Variants in PCSK6 observed in about 807,000 individuals in gnomAD.
PCSK6 encodes the protein paired basic amino acid cleaving enzyme 4.
PCSK6 carries 85 observed loss-of-function variants against 123.3 expected under a neutral mutation model. That is an observed-to-expected ratio of 0.69 (90% CI 0.58 to 0.83). PCSK6 has a LOEUF of 0.83. PCSK6 is among the 40% of genes least tolerant of loss of function. PCSK6 has a pLI of 0.00. For missense variants in PCSK6, 1,191 were observed against 1,282.3 expected (o/e 0.93, Z 1.09); for synonymous variants, 508 against 516.0 (o/e 0.98, Z 0.21).
At chr15:101,382,486 AG>A (rs1277754121) in intron 10 of PCSK6, among the ~76,000 whole-genome samples, 1 of 152,228 alleles carries the variant, frequency 6.6e-6, no homozygotes, top group Non-Finnish European at 1.5e-5. Context: ...GAGAAGGTCT[AG>A]GAGTTTCTTT....
chr15:101,328,384 G>T (rs2040305661), intron 15 of PCSK6, among the ~76,000 whole-genome samples: 1 of 152,228 alleles, frequency 6.6e-6, no homozygotes, highest in Non-Finnish European at 1.5e-5. Context: ...GGCGGGCAGG[G>T]CTTGGTTCGG....
chr15:101,366,195 C>A lies in PCSK6; in HGVS notation c.1858+1G>T. 6.2e-7 allele frequency: 1 copy of A among 1,611,254 alleles called. No homozygotes were observed. The highest frequency in any genetic ancestry group is 8.5e-7 in the Non-Finnish European group (1 of 1,178,522). On this transcript the variant is annotated splice_donor_variant, in intron 13 of 21. Coordinates refer to ENST00000611716, the MANE Select transcript of PCSK6 (RefSeq NM_002570.5). LOFTEE classifies it high-confidence loss of function. ...TCATGAGATTCCCAAGAGCCACTGA[C>A]CTTGCTTCTCCGGGTTGCGGACCTG...
chr15:101,434,313 G>C (rs963960843), intron 2 of PCSK6, among the ~76,000 whole-genome samples: 3 of 152,172 alleles, frequency 2.0e-5, no homozygotes, highest in Non-Finnish European at 4.4e-5. Context: ...TGAACTCTCT[G>C]TTCTAACAAC....
intron 13 of PCSK6, among the ~76,000 whole-genome samples, chr15:101,363,131 C>T (rs983119185): frequency 4.6e-5 from 7 of 152,110 alleles, no homozygotes; most frequent in African/African-American, 7.2e-5. Context: ...CATCAGTGCA[C>T]GCATGTTGGC....
chr15:101,402,591 C>T (rs1481893676), intron 6 of PCSK6, among the ~76,000 whole-genome samples: 1 of 152,084 alleles, frequency 6.6e-6, no homozygotes, highest in East Asian at 1.9e-4. Context: ...ACAAACAACC[C>T]CATCAAAAAG....
intron 13 of PCSK6, among the ~76,000 whole-genome samples, chr15:101,358,503 C>G (rs2041112154): frequency 2.0e-5 from 3 of 152,258 alleles, no homozygotes; most frequent in Admixed American, 6.5e-5. Context: ...ATGTTCCCAA[C>G]TAGCCTGTGG....
chr15:101,318,591 G>A (rs1201808747), intron 18 of PCSK6, among the ~76,000 whole-genome samples, 169 bp from the exon 19 acceptor site: 1 of 152,258 alleles, frequency 6.6e-6, no homozygotes, highest in African/African-American at 2.4e-5. Flanking sequence ...CAGTCCGCTG[G>A]GGGCCCAGCA....
chr15:101,381,180 G>T (rs2041901712), intron 11 of PCSK6, among the ~76,000 whole-genome samples: 1 of 152,010 alleles, frequency 6.6e-6, no homozygotes, highest in South Asian at 2.1e-4. Flanking sequence ...TGGCCAAGAT[G>T]GTGAAACCCC....
intron 15 of PCSK6, among the ~76,000 whole-genome samples, chr15:101,327,593 G>A (rs1317932384): frequency 6.6e-6 from 1 of 152,212 alleles, no homozygotes; most frequent in Non-Finnish European, 1.5e-5. Flanking sequence ...GAGGGGATGG[G>A]GAGTGAGCTC....
At chr15:101,389,425 AC>A in intron 9 of PCSK6, 38 bp downstream of exon 9, 1 of 1,368,674 alleles carries the variant, frequency 7.3e-7, no homozygotes, top group Non-Finnish European at 9.9e-7. Flanking sequence ...CACAATCTAA[AC>A]ATTTTTTTTT....
chr15:101,373,998 C>T (rs927703048), intron 11 of PCSK6, among the ~76,000 whole-genome samples: 2 of 152,176 alleles, frequency 1.3e-5, no homozygotes, highest in South Asian at 2.1e-4. Context: ...CTTCCGAGGA[C>T]GCTAAGGGAG....
At chr15:101,310,031 GC>G (rs1407216681) in intron 20 of PCSK6, among the ~76,000 whole-genome samples, 3 of 152,232 alleles carry the variant, frequency 2.0e-5, no homozygotes, top group Non-Finnish European at 2.9e-5. Context: ...GAGCTGCCTG[GC>G]ACAGCAGCAG....
intron 1 of PCSK6, among the ~76,000 whole-genome samples, chr15:101,464,273 G>C (rs891601441): frequency 6.6e-6 from 1 of 152,300 alleles, no homozygotes; most frequent in Middle Eastern, 3.4e-3. Flanking sequence ...GCGTCAGAAG[G>C]AGATGTCCAC....
chr15:101,383,935 G>T, intron 10 of PCSK6: 1 of 177,342 alleles, frequency 5.6e-6, no homozygotes, highest in Non-Finnish European at 1.1e-5. Flanking sequence ...GAGTCCTGCT[G>T]TGTTGTCCAG....
chr15:101,305,547 ATAATATAAAAATTAGC>A lies in PCSK6; in HGVS notation c.2813-208_2813-193del, dbSNP rs2039704103. ...ACATGGTGAAACCCCGTCTCTACTA[ATAATATAAAAATTAGC>A]TGGGCATGGTGGTGGGCACCTGTAA... On this transcript the variant is annotated intron_variant, in intron 21 of 21. Coordinates refer to ENST00000611716, the MANE Select transcript of PCSK6 (RefSeq NM_002570.5). This position sits in a 1 kb window ranked among gnomAD's most constrained non-coding sequence, Gnocchi z 4.8. 2 of 511,964 alleles carry A rather than the reference ATAATATAAAAATTAGC, an allele frequency of 3.9e-6. No individual in the cohort carries two copies. The highest frequency in any genetic ancestry group is 3.9e-5 in the African/African-American group (2 of 51,452). 31.7% of individuals were successfully genotyped at this position (511,964 alleles called of 1,614,324 possible). A position where few individuals can be genotyped will look rare whatever the true frequency, so the allele number is the denominator to read the frequency against.
intron 13 of PCSK6, among the ~76,000 whole-genome samples, chr15:101,339,506 C>A (rs961482169): frequency 3.9e-5 from 6 of 152,136 alleles, no homozygotes; most frequent in African/African-American, 1.2e-4. Context: ...TAAAAATATA[C>A]AAAAACACCC....
chr15:101,374,203 C>T (rs1304877888), intron 11 of PCSK6, among the ~76,000 whole-genome samples: 3 of 152,206 alleles, frequency 2.0e-5, no homozygotes, highest in Non-Finnish European at 4.4e-5. Context: ...GCTCCCTTCT[C>T]CTGAGGAGGC....
chr15:101,405,671 C>G (rs934615876), intron 6 of PCSK6, among the ~76,000 whole-genome samples: 26 of 148,138 alleles, frequency 1.8e-4, no homozygotes, highest in African/African-American at 6.7e-4. Context: ...TTTTACAACT[C>G]ACTTAGTGAA....
In PCSK6 at chr15:101,489,604, T is replaced by G. The variant is rs2058125087; in HGVS notation, c.67A>C (p.Thr23Pro). ...CCCGCGCCCCCCGCGCCCGCGGCGG[T>G]GTCGGTGGCGGCGGCGGCCCGGGGC... is the stretch of plus-strand genomic sequence containing the variant. Reference protein sequence around the residue: ...PPPRAAAATDTAAGAGGAGGA... With the variant: ...PPPRAAAATDPAAGAGGAGGA... The change falls in exon 1 of 22, where the codon ACC (threonine) becomes CCC (proline). Residue 23 changes from threonine (T) to proline (P), a missense_variant. Coordinates refer to ENST00000611716, the MANE Select transcript of PCSK6 (RefSeq NM_002570.5). The G allele has an allele frequency of 3.1e-6, 3 of 955,886 alleles. No homozygotes were observed. Among genetic ancestry groups the G allele is most frequent in the East Asian group, 1.5e-4 (1 of 6,764 alleles). 59.2% of individuals were successfully genotyped at this position (955,886 alleles called of 1,614,324 possible). A position where few individuals can be genotyped will look rare whatever the true frequency, so the allele number is the denominator to read the frequency against.
Sources: allele counts gnomAD v4.1 joint callset (sites outside exome capture counted in the v4.1 genomes callset), GRCh38; gene constraint gnomAD v4.1.1; non-coding constraint Gnocchi (gnomAD v3.1); transcripts MANE v1.5; gene names NCBI Gene and HGNC (gene_info 2026-07-23, HGNC 2026-07-21).